Variants in GRIN2A observed in about 807,000 individuals in gnomAD.
GRIN2A encodes glutamate receptor ionotropic, NMDA 2A.
GRIN2A carries 22 observed loss-of-function variants against 113.4 expected under a neutral mutation model. The observed-to-expected ratio is 0.19, with a 90% CI of 0.14 to 0.28. The LOEUF is 0.28. Among genes scored for constraint, GRIN2A ranks in the 10% least tolerant of loss-of-function variants. The pLI is 1.00. For synonymous variants in GRIN2A, 827 were observed against 738.4 expected (o/e 1.12, Z -1.94); for missense variants, 1,502 against 1,887.0 (o/e 0.80, Z 3.78).
chr16:9,959,345 G>C (rs970503278), intron 2 of GRIN2A, among the ~76,000 whole-genome samples: 1 of 152,168 alleles, frequency 6.6e-6, no homozygotes, highest in Admixed American at 6.5e-5. Context: ...AAATTATGAT[G>C]TTCTGTCTCC....
At chr16:9,874,114 A>G (rs1013121158) in intron 4 of GRIN2A, among the ~76,000 whole-genome samples, 2 of 152,196 alleles carry the variant, frequency 1.3e-5, no homozygotes, top group African/African-American at 4.8e-5. Context: ...CAGGGAAGTC[A>G]AGATGGCTCA....
chr16:9,802,326 G>A (rs933298833), intron 10 of GRIN2A, among the ~76,000 whole-genome samples: 10 of 152,006 alleles, frequency 6.6e-5, no homozygotes, highest in African/African-American at 1.2e-4. Flanking sequence ...AGAAAATATG[G>A]TACATATACA....
intron 2 of GRIN2A, among the ~76,000 whole-genome samples, chr16:10,063,235 C>T (rs1321908636): frequency 1.3e-5 from 2 of 152,068 alleles, no homozygotes; most frequent in East Asian, 1.9e-4. Context: ...GTGAGGAGAG[C>T]AAGGCTGAAA....
chr16:10,040,011 CCA>C (rs1460905434), intron 2 of GRIN2A, among the ~76,000 whole-genome samples: 5 of 61,170 alleles, frequency 8.2e-5, no homozygotes, highest in East Asian at 8.7e-4. Context: ...ACACACACAT[CCA>C]CACACCACAC....
intron 9 of GRIN2A, among the ~76,000 whole-genome samples, chr16:9,823,738 G>A (rs2042332074): frequency 6.6e-6 from 1 of 152,168 alleles, no homozygotes; most frequent in South Asian, 2.1e-4. Flanking sequence ...GAGAGGCTAT[G>A]TGATCTATTT....
intron 11 of GRIN2A, among the ~76,000 whole-genome samples, chr16:9,789,463 C>G (rs916739269): frequency 6.6e-6 from 1 of 152,014 alleles, no homozygotes; most frequent in East Asian, 1.9e-4. Flanking sequence ...ACTTATGTTG[C>G]TGACTATTAT....
In GRIN2A at chr16:9,763,311, G is replaced by A. The variant is rs2141125282; in HGVS notation, c.4233C>T (p.Tyr1411=). 1 of 1,614,158 alleles carries A rather than the reference G, an allele frequency of 6.2e-7. No individual in the cohort carries two copies. Among genetic ancestry groups the A allele is most frequent in the East Asian group, 2.2e-5 (1 of 44,866 alleles). The change falls in exon 13 of 13, where the codon TAC becomes TAT. Residue 1411 remains tyrosine, a synonymous_variant. Transcript: ENST00000330684. ...TGTGGCCCCGACTGTCCCTGGAACA[G>A]TACGATGCCGTTGACCTCAAGGACG... ...LRSSLRSTAS[Y]CSRDSRGHND...
intron 4 of GRIN2A, among the ~76,000 whole-genome samples, chr16:9,875,615 G>A (rs1294187758): frequency 1.3e-5 from 2 of 152,210 alleles, no homozygotes; most frequent in South Asian, 4.1e-4. Context: ...ACAATGGAAA[G>A]AAAGTGAGAA....
rs1900349747 is a variant in GRIN2A, at chr16:9,756,388, A to G, written c.*6761T>C. ...GGTGAGATCCCCAGAAGTTCTCCAT[A>G]CACACAGATCAGGCAATGAGGGGTA... is the stretch of plus-strand genomic sequence containing the variant. On this transcript the variant is annotated 3_prime_UTR_variant, in exon 13 of 13. Coordinates refer to ENST00000330684, the MANE Select transcript of GRIN2A (RefSeq NM_001134407.3). 1 of 230,812 alleles carries G rather than the reference A, an allele frequency of 4.3e-6. No homozygotes were observed. The highest frequency in any genetic ancestry group is 8.6e-6 in the Non-Finnish European group (1 of 116,482). 14.3% of individuals were successfully genotyped at this position (230,812 alleles called of 1,614,324 possible).
In GRIN2A at chr16:10,180,668, C is replaced by T; in HGVS notation, c.-18-239G>A. On this transcript the variant is annotated intron_variant, in intron 1 of 12. Coordinates refer to ENST00000330684, the MANE Select transcript of GRIN2A (RefSeq NM_001134407.3). This position sits in a 1 kb window ranked among gnomAD's most constrained non-coding sequence, Gnocchi z 7.0. ...CCATCCCCCAGCCCCTTCTCGCATC[C>T]AGCTTCCTCATCCCCTGTCTCCAGG... The T allele has an allele frequency of 1.6e-6, 1 of 635,180 alleles. No individual in the cohort carries two copies. The highest frequency in any genetic ancestry group is 1.9e-5 in the South Asian group (1 of 51,318). The allele number at this position is 635,180 out of a possible 1,614,324, so 39.3% of individuals were successfully genotyped here.
In GRIN2A at chr16:9,958,508, T is replaced by C. The variant is rs558357038; in HGVS notation, c.415-19957A>G. 3.3e-5 allele frequency among the ~76,000 whole-genome samples: 5 copies of C among 152,274 alleles called. No homozygotes were observed. The South Asian group carries it at 1.0e-3, about 32-fold the overall frequency. On this transcript the variant is annotated intron_variant, in intron 2 of 12. Transcript: ENST00000330684. Reference sequence around the variant, plus strand: ...TGGGGCTCTGTTCCCACGGATTTTATCTGGCACAGTATGTCTGAGGTGTGA... The same window carrying C: ...TGGGGCTCTGTTCCCACGGATTTTACCTGGCACAGTATGTCTGAGGTGTGA...
chr16:10,015,567 T>C (rs1458055706), intron 2 of GRIN2A, among the ~76,000 whole-genome samples: 1 of 152,186 alleles, frequency 6.6e-6, no homozygotes, highest in Non-Finnish European at 1.5e-5. Context: ...TGAACATACT[T>C]ACATTTGGAA....
chr16:10,053,564 G>C (rs1446273515), intron 2 of GRIN2A, among the ~76,000 whole-genome samples: 2 of 152,168 alleles, frequency 1.3e-5, no homozygotes, highest in Non-Finnish European at 2.9e-5. Flanking sequence ...TTGAGCAGGT[G>C]GTGACAAGTT....
intron 8 of GRIN2A, among the ~76,000 whole-genome samples, chr16:9,832,524 A>T (rs966045482): frequency 9.9e-5 from 15 of 152,064 alleles, no homozygotes; most frequent in African/African-American, 3.6e-4. Context: ...TGTTATTTTC[A>T]CAACTAAATT....
chr16:10,054,755 A>G (rs1352957686), intron 2 of GRIN2A, among the ~76,000 whole-genome samples: 4 of 152,206 alleles, frequency 2.6e-5, no homozygotes, highest in Non-Finnish European at 4.4e-5. Context: ...TGAGTAAAAA[A>G]GAGTAATTTG....
chr16:9,848,240 G>C (rs1297372166), intron 5 of GRIN2A, among the ~76,000 whole-genome samples: 2 of 150,568 alleles, frequency 1.3e-5, no homozygotes, highest in African/African-American at 4.9e-5. Flanking sequence ...TTTTGAGTCA[G>C]AGTCTCACTC....
intron 4 of GRIN2A, among the ~76,000 whole-genome samples, chr16:9,859,307 T>G (rs1342343350): frequency 6.6e-6 from 1 of 152,144 alleles, no homozygotes; most frequent in African/African-American, 2.4e-5. Context: ...CTCTTGTGTA[T>G]AGGAAGTTTA....
intron 2 of GRIN2A, among the ~76,000 whole-genome samples, chr16:10,011,746 G>C (rs1375800069): frequency 6.6e-6 from 1 of 152,124 alleles, no homozygotes; most frequent in Non-Finnish European, 1.5e-5. Context: ...TGCAGAATCA[G>C]AAAGTGGGAA....
chr16:9,979,807 A>G (rs967132687), intron 2 of GRIN2A, among the ~76,000 whole-genome samples: 6 of 138,834 alleles, frequency 4.3e-5, no homozygotes, highest in Admixed American at 7.1e-5. Flanking sequence ...ATATATATAT[A>G]TATATGTATA....
Sources: allele counts gnomAD v4.1 joint callset (sites outside exome capture counted in the v4.1 genomes callset), GRCh38; gene constraint gnomAD v4.1.1; non-coding constraint Gnocchi (gnomAD v3.1); transcripts MANE v1.5; gene names NCBI Gene and HGNC (gene_info 2026-07-23, HGNC 2026-07-21).